PTPRN2: variants seen among roughly 807,000 people sequenced by gnomAD.
The protein encoded by PTPRN2 is receptor-type tyrosine-protein phosphatase N2.
Under a neutral mutation model 118.8 loss-of-function variants are expected in PTPRN2, and 74 were observed. The observed-to-expected ratio is 0.62, with a 90% CI of 0.52 to 0.76. The LOEUF (loss-of-function observed/expected upper bound fraction) is 0.76. Ranked by LOEUF, PTPRN2 falls within the 30% of genes least tolerant of loss-of-function variation. The pLI is 0.00. For synonymous variants in PTPRN2, 641 were observed against 608.0 expected (o/e 1.05, Z -0.80); for missense variants, 1,481 against 1,394.4 (o/e 1.06, Z -0.99).
chr7:157,847,166 C>G (rs1808893449), intron 12 of PTPRN2, among the ~76,000 whole-genome samples: 1 of 139,024 alleles, frequency 7.2e-6, no homozygotes, highest in Non-Finnish European at 1.5e-5. Context: ...CCGATGTCGA[C>G]AGAGCCCTCT....
chr7:157,746,630 T>TAG (rs1391278963), intron 12 of PTPRN2, among the ~76,000 whole-genome samples: 2 of 143,344 alleles, frequency 1.4e-5, no homozygotes, highest in Non-Finnish European at 3.0e-5. Flanking sequence ...GCCAACAGCA[T>TAG]AGAGATCACG....
intron 1 of PTPRN2, among the ~76,000 whole-genome samples, chr7:158,554,385 T>C (rs1056447574): frequency 6.6e-6 from 1 of 152,242 alleles, no homozygotes; most frequent in Non-Finnish European, 1.5e-5. Flanking sequence ...CACTGATGAT[T>C]CTTTACCAGT....
chr7:157,553,952 A>C (rs1271905874), intron 21 of PTPRN2, among the ~76,000 whole-genome samples: 1 of 124,438 alleles, frequency 8.0e-6, no homozygotes, highest in African/African-American at 3.0e-5. Flanking sequence ...TGCCCTCCTG[A>C]GCATGGGTAC....
At chr7:158,371,710 T>C (rs1473010669) in intron 2 of PTPRN2, among the ~76,000 whole-genome samples, 1 of 152,178 alleles carries the variant, frequency 6.6e-6, no homozygotes, top group East Asian at 1.9e-4. Context: ...AAATGATTCA[T>C]ATGCGGAAAA....
chr7:158,326,634 G>A (rs1273221572), intron 2 of PTPRN2, among the ~76,000 whole-genome samples: 2 of 135,456 alleles, frequency 1.5e-5, no homozygotes, highest in Non-Finnish European at 3.1e-5. Flanking sequence ...ATTCTCACAT[G>A]CACACGTTTT....
intron 12 of PTPRN2, among the ~76,000 whole-genome samples, chr7:157,697,027 T>A (rs368311180): frequency 8.5e-4 from 22 of 25,778 alleles, no homozygotes; most frequent in East Asian, 7.4e-3. Flanking sequence ...TGCATACTGG[T>A]TCTTGGCAGA....
intron 9 of PTPRN2, among the ~76,000 whole-genome samples, chr7:158,121,066 C>T: frequency 6.6e-6 from 1 of 152,164 alleles, no homozygotes; most frequent in Non-Finnish European, 1.5e-5. Context: ...CTGCAGGTTC[C>T]TTCCTCCCGG....
At chr7:157,793,821 A>T (rs1804679569) in intron 12 of PTPRN2, among the ~76,000 whole-genome samples, 1 of 152,112 alleles carries the variant, frequency 6.6e-6, no homozygotes, top group Admixed American at 6.5e-5. Flanking sequence ...ATGGCTTAGA[A>T]GCAGTAATCT....
At chr7:157,656,267 G>A in intron 14 of PTPRN2, 90 bp downstream of exon 14, 1 of 1,343,004 alleles carries the variant, frequency 7.4e-7, no homozygotes, top group Non-Finnish European at 1.0e-6. Context: ...AGTCCCCGAG[G>A]GTCAGCGGGC....
chr7:158,377,439 C>T (rs1162266267), intron 2 of PTPRN2, among the ~76,000 whole-genome samples: 2 of 152,196 alleles, frequency 1.3e-5, no homozygotes, highest in Non-Finnish European at 2.9e-5. Flanking sequence ...CCAGTAAGTG[C>T]AGGAAGAGAC....
intron 1 of PTPRN2, among the ~76,000 whole-genome samples, chr7:158,492,109 C>T (rs149179895): frequency 5.1e-4 from 78 of 152,352 alleles, no homozygotes; most frequent in Middle Eastern, 6.8e-3. Flanking sequence ...GTGAGGGCCC[C>T]TCCCGCCCCA....
Position 157,979,450 on chromosome 7 carries a change from C to G in PTPRN2, c.1724-80713G>C, listed in dbSNP as rs1422753201. On this transcript the variant is annotated intron_variant, in intron 11 of 22. Coordinates refer to ENST00000389418, the MANE Select transcript of PTPRN2 (RefSeq NM_002847.5). ...AGCAATGGTGGTGATGACGGTGACA[C>G]TGGCAACTGCACGTTGCTGAGTGTC... 2.0e-5 allele frequency among the ~76,000 whole-genome samples: 3 copies of G among 152,206 alleles called. No individual in the cohort carries two copies. The East Asian group carries it at 5.8e-4, about 29-fold the overall frequency.
At chr7:158,040,076 AG>A (rs61055570) in intron 11 of PTPRN2, among the ~76,000 whole-genome samples, 69,808 of 150,360 alleles carry the variant, frequency 0.46, 16,724 homozygotes, top group Non-Finnish European at 0.51. Flanking sequence ...AGAGAGAGAG[AG>A]AAAAAAAAAG....
intron 2 of PTPRN2, among the ~76,000 whole-genome samples, chr7:158,394,932 G>A (rs1296036554): frequency 1.3e-5 from 2 of 152,200 alleles, no homozygotes; most frequent in African/African-American, 4.8e-5. Context: ...TCTCTGCAAC[G>A]CGTCAGCCAG....
chr7:158,248,760 CATAT>C (rs1387077997), intron 3 of PTPRN2, among the ~76,000 whole-genome samples: 14 of 146,336 alleles, frequency 9.6e-5, no homozygotes, highest in East Asian at 2.1e-4. Context: ...ACACATCACA[CATAT>C]GTGCACATCG....
At chr7:158,056,046 G>T (rs1809761819) in intron 11 of PTPRN2, among the ~76,000 whole-genome samples, 1 of 152,160 alleles carries the variant, frequency 6.6e-6, no homozygotes. Context: ...CTCTCTGTCT[G>T]GTTCTTGCTG....
intron 3 of PTPRN2, among the ~76,000 whole-genome samples, chr7:158,212,910 A>G (rs1827706541): frequency 6.6e-6 from 1 of 152,178 alleles, no homozygotes; most frequent in Non-Finnish European, 1.5e-5. Flanking sequence ...TATGACAAAG[A>G]GCTTTATAAC....
At position 158,546,335 on chromosome 7, in the gene PTPRN2, G is replaced by C; in HGVS notation, c.112+41223C>G. Among the ~76,000 whole-genome samples the C allele has an allele frequency of 6.6e-6, 1 of 152,322 alleles. No individual in the cohort carries two copies. The highest frequency in any genetic ancestry group is 1.9e-4 in the East Asian group (1 of 5,174). On this transcript the variant is annotated intron_variant, in intron 1 of 22. Transcript: ENST00000389418. The surrounding 1 kb of genome is among the most constrained non-coding windows in gnomAD (Gnocchi z 5.0). ...ACGCCTGCCCGGAGACGGGGTCCGC[G>C]AGGTGCCAGCTTTGCACTGTCAAAG...
intron 21 of PTPRN2, among the ~76,000 whole-genome samples, chr7:157,549,782 A>G (rs1450351204): frequency 6.6e-6 from 1 of 152,244 alleles, no homozygotes; most frequent in African/African-American, 2.4e-5. Context: ...AGGGGCAGAC[A>G]GGACACAGCC....
Sources: gnomAD v4.1 joint callset for allele counts (sites outside exome capture counted in the v4.1 genomes callset) on GRCh38, gnomAD v4.1.1 for gene constraint, Gnocchi (gnomAD v3.1) non-coding constraint, MANE v1.5 for transcripts, NCBI Gene and HGNC (gene_info 2026-07-23, HGNC 2026-07-21) for gene names.